Variants in ASTN2 observed in about 807,000 individuals in gnomAD.
The protein encoded by ASTN2 is astrotactin-2.
ASTN2 carries 54 observed loss-of-function variants against 139.8 expected under a neutral mutation model. The observed-to-expected ratio is 0.39, with a 90% CI of 0.31 to 0.48. The LOEUF is 0.48. Ranked by LOEUF, ASTN2 falls within the 20% of genes least tolerant of loss-of-function variation. The probability of loss-of-function intolerance (pLI) is 0.95; values close to 1 mark genes in which losing one functional copy is unlikely to be tolerated. For missense variants in ASTN2, 1,565 were observed against 1,725.1 expected, an observed-to-expected ratio of 0.91 and a Z score of 1.64; for synonymous variants, 756 against 719.5, an observed-to-expected ratio of 1.05 and a Z score of -0.81.
intron 19 of ASTN2, among the ~76,000 whole-genome samples, chr9:116,534,079 T>A (rs1851494997): frequency 1.3e-5 from 2 of 152,168 alleles, no homozygotes; most frequent in Non-Finnish European, 2.9e-5. Context: ...TTCTTCCTGG[T>A]TTAGTCTTGG....
At chr9:116,649,338 C>T (rs112254241) in intron 17 of ASTN2, among the ~76,000 whole-genome samples, 166 of 151,848 alleles carry the variant, frequency 1.1e-3, no homozygotes, top group African/African-American at 3.8e-3. Flanking sequence ...TTTGGGAGGC[C>T]GAGGTGGGTG....
intron 16 of ASTN2, among the ~76,000 whole-genome samples, chr9:116,653,922 A>G (rs1858062808): frequency 6.6e-6 from 1 of 152,216 alleles, no homozygotes; most frequent in Non-Finnish European, 1.5e-5. Context: ...GGGATTAAAG[A>G]AGGGTAGTTA....
chr9:117,167,076 T>C (rs986658518), intron 3 of ASTN2, among the ~76,000 whole-genome samples: 2 of 152,054 alleles, frequency 1.3e-5, no homozygotes, highest in African/African-American at 4.8e-5. Context: ...AAAACCAAAG[T>C]AAACCAAAAG....
chr9:117,320,069 A>G (rs1480751434), intron 1 of ASTN2, among the ~76,000 whole-genome samples: 1 of 152,194 alleles, frequency 6.6e-6, no homozygotes, highest in Non-Finnish European at 1.5e-5. Flanking sequence ...AGCAAAGTCA[A>G]ATTAAACAAG....
chr9:116,746,937 T>TG (rs1228160126), intron 13 of ASTN2, among the ~76,000 whole-genome samples: 2 of 152,166 alleles, frequency 1.3e-5, no homozygotes, highest in Non-Finnish European at 2.9e-5. Context: ...TTCAATAAAT[T>TG]GCTGAATGTC....
intron 13 of ASTN2, among the ~76,000 whole-genome samples, chr9:116,771,936 C>T (rs114052960): frequency 2.0e-3 from 306 of 152,362 alleles, no homozygotes; most frequent in African/African-American, 6.9e-3. Flanking sequence ...TGCCAACATT[C>T]CACTACTACT....
chr9:116,618,250 C>G, intron 19 of ASTN2, 74 bp downstream of exon 19: 1 of 1,501,144 alleles, frequency 6.7e-7, no homozygotes, highest in Non-Finnish European at 9.0e-7. Flanking sequence ...GACCAAGTCT[C>G]CAAAGACAGT....
At chr9:117,326,462 T>C (rs1237599199) in intron 1 of ASTN2, among the ~76,000 whole-genome samples, 4 of 152,048 alleles carry the variant, frequency 2.6e-5, no homozygotes, top group Admixed American at 1.3e-4. Flanking sequence ...ATATAAATAA[T>C]ACCAGTGAGT....
At chr9:116,890,221 A>G (rs542445902) in intron 10 of ASTN2, among the ~76,000 whole-genome samples, 2 of 152,208 alleles carry the variant, frequency 1.3e-5, no homozygotes, top group Admixed American at 6.5e-5. Flanking sequence ...TTAATTTCCT[A>G]TTCCTTCATA....
At chr9:116,673,718 A>G (rs2131995505) in intron 16 of ASTN2, among the ~76,000 whole-genome samples, 1 of 152,344 alleles carries the variant, frequency 6.6e-6, no homozygotes, top group South Asian at 2.1e-4. Flanking sequence ...GAGGCAAGGA[A>G]TAATCTCTCT....
chr9:116,584,361 G>A (rs1182297027), intron 19 of ASTN2: 1 of 152,004 alleles, frequency 6.6e-6, no homozygotes, highest in Non-Finnish European at 1.5e-5. Context: ...ATCTCTCACT[G>A]GACAAATGGC....
At chr9:116,995,777 A>C (rs1836995793) in intron 7 of ASTN2, among the ~76,000 whole-genome samples, 1 of 152,168 alleles carries the variant, frequency 6.6e-6, no homozygotes, top group Non-Finnish European at 1.5e-5. Flanking sequence ...ATGAGACGAT[A>C]ACACTATTTC....
intron 1 of ASTN2, among the ~76,000 whole-genome samples, chr9:117,324,142 G>C (rs1828432818): frequency 6.6e-6 from 1 of 152,160 alleles, no homozygotes; most frequent in Non-Finnish European, 1.5e-5. Flanking sequence ...CCACACTCAT[G>C]CAAGCTCACA....
chr9:116,472,612 T>C (rs956755811), intron 20 of ASTN2, among the ~76,000 whole-genome samples: 16 of 152,066 alleles, frequency 1.1e-4, no homozygotes, highest in Non-Finnish European at 2.4e-4. Flanking sequence ...TGTGTTAGAA[T>C]CATGGTTCTG....
chr9:117,232,692 C>T (rs535001565), intron 2 of ASTN2, among the ~76,000 whole-genome samples: 96 of 152,246 alleles, frequency 6.3e-4, no homozygotes, highest in Non-Finnish European at 7.6e-4. Context: ...AATCCCATGC[C>T]GATTACCTGG....
chr9:116,715,461 C>T (rs907153652), intron 16 of ASTN2, among the ~76,000 whole-genome samples: 1 of 152,092 alleles, frequency 6.6e-6, no homozygotes, highest in African/African-American at 2.4e-5. Context: ...TGCGTGGAGT[C>T]TCCTTCCTCC....
At chr9:117,285,828 A>G (rs995801108) in intron 2 of ASTN2, among the ~76,000 whole-genome samples, 6 of 152,210 alleles carry the variant, frequency 3.9e-5, no homozygotes, top group Non-Finnish European at 8.8e-5. Context: ...GGAGGCCAGC[A>G]ATACAAATCC....
chr9:117,246,798 T>C (rs1358783009), intron 2 of ASTN2, among the ~76,000 whole-genome samples: 1 of 152,096 alleles, frequency 6.6e-6, no homozygotes, highest in African/African-American at 2.4e-5. Flanking sequence ...TCAAAGTCCT[T>C]CTAGTCTGGA....
In ASTN2 at chr9:116,620,449, C is replaced by G. The variant is rs767486394; in HGVS notation, c.3073-6G>C. 3 of 1,611,718 alleles carry G rather than the reference C, an allele frequency of 1.9e-6. No homozygotes were observed. On this transcript the variant is annotated splice_polypyrimidine_tract_variant and splice_region_variant and intron_variant, in intron 17 of 22. Coordinates refer to ENST00000313400, the MANE Select transcript of ASTN2 (RefSeq NM_001365068.1). ...ATCAGTGCACTCTTGAAGGCCTGGA[C>G]AAAAAAAGAGGACAGAATAGACAAT...
Sources: allele counts gnomAD v4.1 joint callset (sites outside exome capture counted in the v4.1 genomes callset), GRCh38; gene constraint gnomAD v4.1.1; transcripts MANE v1.5; gene names NCBI Gene and HGNC (gene_info 2026-07-23, HGNC 2026-07-21).